The following GPC6 variants were observed in gnomAD, a reference collection of about 807,000 sequenced individuals.
The protein encoded by GPC6 is glypican 6.
In GPC6, 14 loss-of-function variants were observed where a neutral mutation model predicts 55.2. That is an observed-to-expected ratio of 0.25 (90% confidence interval 0.17 to 0.40). The LOEUF is 0.40. Ranked by LOEUF, GPC6 falls within the 10% of genes least tolerant of loss-of-function variation. The pLI, the probability that GPC6 is intolerant of heterozygous loss-of-function variation, is 1.00. For missense variants in GPC6, 641 were observed against 708.5 expected (o/e 0.90, Z 1.08); for synonymous variants, 278 against 259.6 (o/e 1.07, Z -0.68).
At chr13:93,661,035 G>A (rs1490442673) in intron 2 of GPC6, among the ~76,000 whole-genome samples, 1 of 152,130 alleles carries the variant, frequency 6.6e-6, no homozygotes, top group Non-Finnish European at 1.5e-5. Flanking sequence ...CAGCAAGGTA[G>A]CTGAAAAGAT....
intron 3 of GPC6, among the ~76,000 whole-genome samples, chr13:93,986,193 T>A (rs1193086139): frequency 6.6e-6 from 1 of 152,178 alleles, no homozygotes; most frequent in East Asian, 1.9e-4. Flanking sequence ...TTTATCAGAA[T>A]TTAATGCACG....
chr13:93,753,495 A>G (rs1280500096), intron 2 of GPC6, among the ~76,000 whole-genome samples: 1 of 152,114 alleles, frequency 6.6e-6, no homozygotes, highest in Non-Finnish European at 1.5e-5. Flanking sequence ...GGAGTACATG[A>G]GATATTTCCA....
At chr13:93,261,345 C>A (rs1211460338) in intron 1 of GPC6, among the ~76,000 whole-genome samples, 2 of 152,036 alleles carry the variant, frequency 1.3e-5, no homozygotes, top group Non-Finnish European at 2.9e-5. Flanking sequence ...TAAGACTTTC[C>A]ATCTTTCCAG....
rs556002201 is a variant in GPC6 at position 94,124,320 on chromosome 13, T to C, written c.877+96426T>C. On this transcript the variant is annotated intron_variant, in intron 4 of 8. Coordinates refer to ENST00000377047, the MANE Select transcript of GPC6 (RefSeq NM_005708.5). Reference sequence around the variant, plus strand: ...ATTGTGTGCATCTTGGTCATTGGGCTCATTTATTCATTCAACAAATGTTTC... The same window carrying C: ...ATTGTGTGCATCTTGGTCATTGGGCCCATTTATTCATTCAACAAATGTTTC... Among the ~76,000 whole-genome samples, 11 of 152,248 alleles carry C rather than the reference T, an allele frequency of 7.2e-5. No individual in the cohort carries two copies. The East Asian group carries it at 1.9e-3, about 27-fold the overall frequency.
intron 4 of GPC6, among the ~76,000 whole-genome samples, chr13:94,231,012 G>A (rs1013451496): frequency 1.3e-5 from 2 of 152,086 alleles, no homozygotes; most frequent in Admixed American, 6.5e-5. Flanking sequence ...AAGGTAGCAC[G>A]TAGCTACATT....
At chr13:93,829,520 A>T (rs572226891) in intron 2 of GPC6, among the ~76,000 whole-genome samples, 1 of 152,310 alleles carries the variant, frequency 6.6e-6, no homozygotes. Context: ...TATATTTGTA[A>T]TGATAATCCA....
intron 6 of GPC6, among the ~76,000 whole-genome samples, chr13:94,346,614 C>T (rs866012632): frequency 2.7e-5 from 4 of 150,574 alleles, no homozygotes; most frequent in South Asian, 2.1e-4. Context: ...CCCAGGTATG[C>T]GGAAGGCTGA....
At chr13:94,002,546 T>A (rs1881850904) in intron 3 of GPC6, among the ~76,000 whole-genome samples, 2 of 152,124 alleles carry the variant, frequency 1.3e-5, no homozygotes, top group Non-Finnish European at 2.9e-5. Context: ...TTATTACACA[T>A]GAATTATCAA....
At chr13:93,501,349 A>C (rs185018302) in intron 1 of GPC6, among the ~76,000 whole-genome samples, 2 of 152,234 alleles carry the variant, frequency 1.3e-5, no homozygotes, top group African/African-American at 4.8e-5. Context: ...CTCACCTTAT[A>C]TAAGGTAGAG....
chr13:94,062,877 C>A (rs1884381849), intron 4 of GPC6, among the ~76,000 whole-genome samples: 2 of 152,260 alleles, frequency 1.3e-5, no homozygotes, highest in Middle Eastern at 3.4e-3. Context: ...TTTCTGAAAT[C>A]TTTAACCGGA....
chr13:94,363,060 G>T (rs1879128710), intron 6 of GPC6, among the ~76,000 whole-genome samples: 1 of 151,920 alleles, frequency 6.6e-6, no homozygotes. Flanking sequence ...CCCCCGACAG[G>T]CCCTGGTGTG....
rs138775236 is a variant in GPC6, at chr13:93,908,996, T to C, written c.711+78451T>C. The stretch of plus-strand genomic sequence containing the variant: ...TCTTCTCTTGCTTTGGTGTTTGTCT[T>C]AGCAATTGTCACTACCTATATTGTA... On this transcript the variant is annotated intron_variant, in intron 3 of 8. Coordinates refer to ENST00000377047, the MANE Select transcript of GPC6 (RefSeq NM_005708.5). Among the ~76,000 whole-genome samples, 30 of 152,310 alleles carry C rather than the reference T, an allele frequency of 2.0e-4. No homozygotes were observed. In the East Asian group the frequency reaches 5.8e-3, roughly 29 times the overall value.
intron 3 of GPC6, among the ~76,000 whole-genome samples, chr13:93,897,983 C>T (rs1876109845): frequency 6.6e-6 from 1 of 152,108 alleles, no homozygotes; most frequent in Non-Finnish European, 1.5e-5. Context: ...GTGAGGAATA[C>T]AAGAAGCATA....
intron 4 of GPC6, among the ~76,000 whole-genome samples, chr13:94,148,576 G>A (rs1229793974): frequency 6.6e-6 from 1 of 152,168 alleles, no homozygotes; most frequent in East Asian, 1.9e-4. Flanking sequence ...ACTGTAGGAT[G>A]TAAACATTAG....
rs1201247240 is a variant in GPC6 at position 93,833,114 on chromosome 13, A to T, written c.711+2569A>T. Among the ~76,000 whole-genome samples, 15 of 41,108 alleles carry T rather than the reference A, an allele frequency of 3.6e-4. No individual in the cohort carries two copies. In the African/African-American group the frequency reaches 3.8e-3, roughly 10 times the overall value. The allele number at this position is 41,108 out of a possible 152,430, so 27.0% of individuals were successfully genotyped here. A position where few individuals can be genotyped will look rare whatever the true frequency, so the allele number is the denominator to read the frequency against. ...GGGTAGATAGGTAGATGATAGAGAGAGAGAGAGAGAGAGAGAGAGAGAGAG... is the reference window on the plus strand; with the variant it reads ...GGGTAGATAGGTAGATGATAGAGAGTGAGAGAGAGAGAGAGAGAGAGAGAG... On this transcript the variant is annotated intron_variant, in intron 3 of 8. Coordinates refer to ENST00000377047, the MANE Select transcript of GPC6 (RefSeq NM_005708.5).
intron 1 of GPC6, among the ~76,000 whole-genome samples, chr13:93,468,871 T>A (rs958976779): frequency 1.3e-5 from 2 of 152,228 alleles, no homozygotes; most frequent in Non-Finnish European, 2.9e-5. Flanking sequence ...AACATTTAAC[T>A]ACCTCAATAT....
rs555312211 is a variant in GPC6, at chr13:93,832,304, A to G, written c.711+1759A>G. On this transcript the variant is annotated intron_variant, in intron 3 of 8. Coordinates refer to ENST00000377047, the MANE Select transcript of GPC6 (RefSeq NM_005708.5). ...GAATAAGTGTAGAAAATAAATATGC[A>G]TTCCATATTTTCTTGAGTAGATGCA... Among the ~76,000 whole-genome samples the G allele has an allele frequency of 7.3e-5, 11 of 151,108 alleles. No individual in the cohort carries two copies. The East Asian group carries it at 2.2e-3, about 30-fold the overall frequency.
At chr13:93,989,469 A>T (rs370007240) in intron 3 of GPC6, among the ~76,000 whole-genome samples, 1 of 152,156 alleles carries the variant, frequency 6.6e-6, no homozygotes, top group Non-Finnish European at 1.5e-5. Context: ...AGAACTCATG[A>T]TCAGAGCAAG....
At chr13:93,446,662 G>T (rs1482281301) in intron 1 of GPC6, among the ~76,000 whole-genome samples, 1 of 152,152 alleles carries the variant, frequency 6.6e-6, no homozygotes, top group African/African-American at 2.4e-5. Flanking sequence ...GGAGCTTTAA[G>T]ACACTGCTCA....
Sources: gnomAD v4.1 joint callset for allele counts (sites outside exome capture counted in the v4.1 genomes callset) on GRCh38, gnomAD v4.1.1 for gene constraint, MANE v1.5 for transcripts, NCBI Gene and HGNC (gene_info 2026-07-23, HGNC 2026-07-21) for gene names.